CARHSP1: variants seen among roughly 807,000 people sequenced by gnomAD.
CARHSP1 encodes the protein calcium regulated heat stable protein 1.
In CARHSP1, 14 loss-of-function variants were observed where a neutral mutation model predicts 12.5. The ratio of observed to expected loss-of-function variants is 1.12; its 90% CI spans 0.74 to 1.75. The LOEUF is 1.75. Among genes scored for constraint, CARHSP1 ranks in the 40% most tolerant of loss-of-function variants. The pLI, the probability that CARHSP1 is intolerant of heterozygous loss-of-function variation, is 0.00. For missense variants in CARHSP1, 343 were observed against 201.6 expected (o/e 1.70, Z -4.25); for synonymous variants, 161 against 82.0 (o/e 1.96, Z -5.20).
At chr16:8,856,482 T>G (rs1265736628) in intron 3 of CARHSP1, among the ~76,000 whole-genome samples, 1 of 151,736 alleles carries the variant, frequency 6.6e-6, no homozygotes, top group East Asian at 1.9e-4. Context: ...TGCCCCAACC[T>G]CTATGTTTTC....
intron 3 of CARHSP1, among the ~76,000 whole-genome samples, chr16:8,856,756 G>C (rs2061126301): frequency 6.6e-6 from 1 of 152,114 alleles, no homozygotes; most frequent in Non-Finnish European, 1.5e-5. Flanking sequence ...AAAGACTTGG[G>C]GGTGCTTAGG....
chr16:8,854,183 T>C lies in CARHSP1; in HGVS notation c.*981A>G, dbSNP rs1398391431. The C allele has an allele frequency of 6.6e-6, 1 of 152,084 alleles. No homozygotes were observed. Among genetic ancestry groups the C allele is most frequent in the East Asian group, 1.9e-4 (1 of 5,202 alleles). The allele number at this position is 152,084 out of a possible 1,614,324, so 9.4% of individuals were successfully genotyped here. ...TGAAAAATAAGAAAAAAAAAATCCC[T>C]AAGCATTTCTTAACACTAGTTTTAA... On this transcript the variant is annotated 3_prime_UTR_variant, in exon 4 of 4. Transcript: ENST00000311052.
intron 3 of CARHSP1, among the ~76,000 whole-genome samples, chr16:8,857,264 T>G (rs1296989364): frequency 4.1e-3 from 40 of 9,678 alleles, no homozygotes; most frequent in Non-Finnish European, 5.4e-3. Context: ...GGCAGATCTG[T>G]TTTTTTTTTT....
intron 1 of CARHSP1, chr16:8,861,617 G>A: frequency 7.8e-7 from 1 of 1,289,014 alleles, no homozygotes; most frequent in Non-Finnish European, 1.0e-6. Context: ...GTTCTGTCGG[G>A]CTGGGAAGCT....
At chr16:8,855,833 C>T (rs1344720963) in intron 3 of CARHSP1, among the ~76,000 whole-genome samples, 2 of 152,080 alleles carry the variant, frequency 1.3e-5, no homozygotes, top group East Asian at 3.9e-4. Context: ...CCCAGCCTGC[C>T]TTTTTTTGAG....
chr16:8,864,581 G>A (rs1164945033), intron 1 of CARHSP1, among the ~76,000 whole-genome samples: 2 of 152,230 alleles, frequency 1.3e-5, no homozygotes, highest in Non-Finnish European at 2.9e-5. Flanking sequence ...GAAATACGGA[G>A]TAAGTCAGAC....
At chr16:8,864,898 C>T (rs1013322093) in intron 1 of CARHSP1, among the ~76,000 whole-genome samples, 2 of 152,190 alleles carry the variant, frequency 1.3e-5, no homozygotes, top group Non-Finnish European at 2.9e-5. Flanking sequence ...GCTTTCCCAG[C>T]CCCTGCTCAG....
intron 1 of CARHSP1, among the ~76,000 whole-genome samples, chr16:8,861,989 C>CTTTTTGTTTTTT (rs2061369468): frequency 1.3e-5 from 1 of 79,772 alleles, no homozygotes; most frequent in Non-Finnish European, 2.6e-5. Flanking sequence ...GCATAGCTGA[C>CTTTTTGTTTTTT]TTTTTTTTTT....
intron 3 of CARHSP1, among the ~76,000 whole-genome samples, chr16:8,855,610 A>T (rs1479365207): frequency 6.6e-6 from 1 of 152,224 alleles, no homozygotes; most frequent in Non-Finnish European, 1.5e-5. Context: ...ACATGGTGAC[A>T]TGAAATGTGG....
Position 8,862,197 on chromosome 16 carries a change from C to T in CARHSP1, c.-7-2862G>A, listed in dbSNP as rs971198370. On this transcript the variant is annotated intron_variant, in intron 1 of 3. Coordinates refer to ENST00000311052, the MANE Select transcript of CARHSP1 (RefSeq NM_014316.4). ...AAGCATAGCTGACTTCTAATCCTAC[C>T]CCTTGCCTGCTGTGTGGTCTTGTAC... 3.3e-5 allele frequency among the ~76,000 whole-genome samples: 5 copies of T among 151,772 alleles called. No individual in the cohort carries two copies. The East Asian group carries it at 7.7e-4, about 24-fold the overall frequency.
chr16:8,863,869 C>A (rs1454569836), intron 1 of CARHSP1, among the ~76,000 whole-genome samples: 3 of 152,186 alleles, frequency 2.0e-5, no homozygotes, highest in Non-Finnish European at 4.4e-5. Context: ...TGGGGCCACA[C>A]AGCAGCCCCG....
Position 8,855,271 on chromosome 16 carries a change from A to T in CARHSP1, c.337T>A (p.Ser113Thr), listed in dbSNP as rs1396322080. 1 of 1,612,872 alleles carries T rather than the reference A, an allele frequency of 6.2e-7. No individual in the cohort carries two copies. The highest frequency in any genetic ancestry group is 2.2e-5 in the East Asian group (1 of 44,782). ...EGDEVTYKMC[S>T]IPPKNEKLQA... ...AGCTTCTCATTCTTGGGTGGGATGG[A>T]GCACATTTTATAGGTGACCTCGTCG... Residue 113 changes from serine to threonine, a missense_variant, in exon 4 of 4, where the codon TCC becomes ACC. Transcript: ENST00000311052.
chr16:8,853,684 T>A lies in CARHSP1; in HGVS notation c.*1480A>T, dbSNP rs541754102. 5.9e-5 allele frequency: 9 copies of A among 152,236 alleles called. No individual in the cohort carries two copies. Among genetic ancestry groups the A allele is most frequent in the African/African-American group, 1.7e-4 (7 of 41,468 alleles). 9.4% of individuals were successfully genotyped at this position (152,236 alleles called of 1,614,324 possible). ...GATTCTTGACTACATATAGGTCATATATTTCAAAAAATAATGCCTAGCTAT... is the reference window on the plus strand; with the variant it reads ...GATTCTTGACTACATATAGGTCATAAATTTCAAAAAATAATGCCTAGCTAT... On this transcript the variant is annotated 3_prime_UTR_variant, in exon 4 of 4. Coordinates refer to ENST00000311052, the MANE Select transcript of CARHSP1 (RefSeq NM_014316.4).
At chr16:8,861,988 A>ATTTTTTTTT (rs2061369140) in intron 1 of CARHSP1, among the ~76,000 whole-genome samples, 1 of 52,044 alleles carries the variant, frequency 1.9e-5, no homozygotes. Context: ...AGCATAGCTG[A>ATTTTTTTTT]CTTTTTTTTT....
chr16:8,856,417 ACTT>A (rs1178656224), intron 3 of CARHSP1, among the ~76,000 whole-genome samples: 2 of 152,222 alleles, frequency 1.3e-5, no homozygotes, highest in Admixed American at 6.5e-5. Flanking sequence ...TCTGCAGCCT[ACTT>A]CCAGCAGCAG....
chr16:8,858,378 C>G lies in CARHSP1; in HGVS notation c.253G>C (p.Gly85Arg), dbSNP rs181283555. 3 of 1,613,854 alleles carry G rather than the reference C, an allele frequency of 1.9e-6. No individual in the cohort carries two copies. Among genetic ancestry groups the G allele is most frequent in the Admixed American group, 3.3e-5 (2 of 60,004 alleles). The change falls in exon 3 of 4, where the codon GGC becomes CGC. Residue 85 changes from glycine (G) to arginine (R), a missense_variant. By Grantham distance (125) the Gly-to-Arg change is moderately radical. Coordinates refer to ENST00000311052, the MANE Select transcript of CARHSP1 (RefSeq NM_014316.4). ...GHGFITPADG[G>R]PDIFLHISDV... ...GAGATGTGCAGGAAGATGTCGGGGC[C>G]GCCATCAGCTGGAGTAATGAAGCCA...
intron 1 of CARHSP1, among the ~76,000 whole-genome samples, chr16:8,865,274 C>T (rs1301530597): frequency 6.6e-6 from 1 of 151,952 alleles, no homozygotes; most frequent in Non-Finnish European, 1.5e-5. Context: ...CACACCCAGC[C>T]AATTGTTGTA....
At chr16:8,857,263 GTTTTTTTTTTTTTTTTT>G (rs756390920) in intron 3 of CARHSP1, among the ~76,000 whole-genome samples, 29 of 57,028 alleles carry the variant, frequency 5.1e-4, no homozygotes, top group East Asian at 8.9e-4. Flanking sequence ...GGGCAGATCT[GTTTTTTTTTTTTTTTTT>G]TTTTTTTTTT....
At chr16:8,857,081 T>A (rs915976387) in intron 3 of CARHSP1, among the ~76,000 whole-genome samples, 3 of 151,924 alleles carry the variant, frequency 2.0e-5, no homozygotes, top group African/African-American at 7.3e-5. Flanking sequence ...CAAACAGGGC[T>A]CCCCAGCCTC....
Sources: gnomAD v4.1 joint callset for allele counts (sites outside exome capture counted in the v4.1 genomes callset) on GRCh38, gnomAD v4.1.1 for gene constraint, MANE v1.5 for transcripts, NCBI Gene and HGNC (gene_info 2026-07-23, HGNC 2026-07-21) for gene names.